ATP6V1D: variants seen among roughly 807,000 people sequenced by gnomAD.
ATP6V1D encodes ATPase H+ transporting V1 subunit D, also known as V-type proton ATPase subunit D.
A neutral mutation model predicts 39.4 loss-of-function variants in ATP6V1D; 20 were observed. The observed-to-expected ratio is 0.51, with a 90% CI of 0.36 to 0.74. The LOEUF is 0.74. Ranked by LOEUF, ATP6V1D falls within the 30% of genes least tolerant of loss-of-function variation. The pLI, the probability that ATP6V1D is intolerant of heterozygous loss-of-function variation, is 0.00. For synonymous variants in ATP6V1D, 100 were observed against 100.5 expected, an observed-to-expected ratio of 0.99 and a Z score of 0.03; for missense variants, 228 against 291.6, an observed-to-expected ratio of 0.78 and a Z score of 1.59.
At chr14:67,354,346 CTT>C (rs2085672531) in intron 1 of ATP6V1D, among the ~76,000 whole-genome samples, 1 of 152,114 alleles carries the variant, frequency 6.6e-6, no homozygotes, top group South Asian at 2.1e-4. Context: ...AAAATAATAT[CTT>C]TGTTTTAGTT....
intron 5 of ATP6V1D, among the ~76,000 whole-genome samples, chr14:67,346,373 G>A (rs1241072467): frequency 1.3e-5 from 2 of 152,238 alleles, no homozygotes; most frequent in African/African-American, 4.8e-5. Context: ...GTGCAGTGGT[G>A]CGATCTCAGC....
chr14:67,338,749 G>A lies in ATP6V1D; in HGVS notation c.616C>T (p.Gln206Ter). 1 of 1,611,902 alleles carries A rather than the reference G, an allele frequency of 6.2e-7. No individual in the cohort carries two copies. The change falls in exon 9 of 9, where the codon CAA becomes TAA. Residue 206 changes from glutamine (Q) to a stop codon, truncating the protein, a stop_gained. Coordinates refer to ENST00000216442, the MANE Select transcript of ATP6V1D (RefSeq NM_015994.4). LOFTEE classifies it high-confidence loss of function. Reference protein sequence around the residue: ...REEFYRLKKIQEKKKILKEKS... With the variant: ...REEFYRLKKI Reference sequence around the variant, plus strand: ...TCCTTTAGAATCTTTTTCTTCTCTTGTATTTTCTTTAACCTGTAAAATACA... The same window carrying A: ...TCCTTTAGAATCTTTTTCTTCTCTTATATTTTCTTTAACCTGTAAAATACA...
chr14:67,352,859 AAATGCCAAGGGCC>A, intron 2 of ATP6V1D, 51 bp downstream of exon 2: 1 of 1,109,596 alleles, frequency 9.0e-7, no homozygotes, highest in Admixed American at 2.4e-5. Context: ...ACAAAAAAAA[AAATGCCAAGGGCC>A]ATGCTGGATT....
intron 8 of ATP6V1D, among the ~76,000 whole-genome samples, chr14:67,339,173 T>C (rs1470539678): frequency 6.6e-6 from 1 of 152,084 alleles, no homozygotes; most frequent in African/African-American, 2.4e-5. Context: ...TTTTTTGTAT[T>C]TTTAGTAGAG....
Position 67,347,444 on chromosome 14 carries a change from AAAG to A in ATP6V1D, c.314_316del (p.Thr105_Leu106delinsMet). On this transcript the variant is annotated inframe_deletion, in exon 5 of 9. Coordinates refer to ENST00000216442, the MANE Select transcript of ATP6V1D (RefSeq NM_015994.4). ...TTCATGGTAATGTTCAAATACTGGC[AAAG>A]TAACACCTGTTAAACACAGAAGCAT... The A allele has an allele frequency of 6.2e-7, 1 of 1,608,590 alleles. No homozygotes were observed. Among genetic ancestry groups the A allele is most frequent in the Non-Finnish European group, 8.5e-7 (1 of 1,175,388 alleles).
intron 2 of ATP6V1D, among the ~76,000 whole-genome samples, chr14:67,351,874 T>C (rs928492784): frequency 6.9e-6 from 1 of 144,440 alleles, no homozygotes; most frequent in African/African-American, 2.7e-5. Flanking sequence ...ATTTTTAACA[T>C]TTTACACATT....
intron 7 of ATP6V1D, among the ~76,000 whole-genome samples, chr14:67,340,972 A>G (rs1277676363): frequency 2.0e-5 from 3 of 152,220 alleles, no homozygotes; most frequent in Non-Finnish European, 4.4e-5. Context: ...TCGTTCACTC[A>G]GTGCTCAATG....
At chr14:67,341,232 C>T (rs1282663741) in intron 7 of ATP6V1D, among the ~76,000 whole-genome samples, 2 of 152,068 alleles carry the variant, frequency 1.3e-5, no homozygotes, top group South Asian at 2.1e-4. Context: ...AAGTGAGGAG[C>T]GTCTCTGCCC....
At chr14:67,339,210 G>A (rs1023711765) in intron 8 of ATP6V1D, among the ~76,000 whole-genome samples, 1 of 151,868 alleles carries the variant, frequency 6.6e-6, no homozygotes, top group African/African-American at 2.4e-5. Context: ...TCTTGGCCAG[G>A]CTGGTCTTGA....
chr14:67,357,046 T>A (rs191692691), intron 1 of ATP6V1D, among the ~76,000 whole-genome samples: 5 of 152,222 alleles, frequency 3.3e-5, no homozygotes, highest in Non-Finnish European at 4.4e-5. Flanking sequence ...GCAATTTTAA[T>A]TCCTGAAACT....
chr14:67,342,108 C>T (rs1038009174), intron 7 of ATP6V1D, among the ~76,000 whole-genome samples: 1 of 151,798 alleles, frequency 6.6e-6, no homozygotes, highest in Non-Finnish European at 1.5e-5. Context: ...TGTTTATCTG[C>T]TGACCTTCCC....
chr14:67,338,612 C>T lies in ATP6V1D; in HGVS notation c.*9G>A. On this transcript the variant is annotated 3_prime_UTR_variant, in exon 9 of 9. Transcript: ENST00000216442. ...GTTAGGGTTTCTCAAAGAACCAGAACAGGAAAGATTATTCAAATAGAAGAT... is the reference window on the plus strand; with the variant it reads ...GTTAGGGTTTCTCAAAGAACCAGAATAGGAAAGATTATTCAAATAGAAGAT... 3 of 1,612,338 alleles carry T rather than the reference C, an allele frequency of 1.9e-6. No individual in the cohort carries two copies. The highest frequency in any genetic ancestry group is 2.2e-5 in the South Asian group (2 of 90,710).
chr14:67,339,771 G>A (rs1408787666), intron 8 of ATP6V1D, among the ~76,000 whole-genome samples: 1 of 151,998 alleles, frequency 6.6e-6, no homozygotes, highest in African/African-American at 2.4e-5. Context: ...TTTTATGTAG[G>A]AGGCACCCAA....
chr14:67,345,491 G>A (rs2085613674), intron 6 of ATP6V1D, among the ~76,000 whole-genome samples: 1 of 152,006 alleles, frequency 6.6e-6, no homozygotes, highest in South Asian at 2.1e-4. Flanking sequence ...GGAGGCAGAG[G>A]TTGCAGTGAG....
intron 8 of ATP6V1D, among the ~76,000 whole-genome samples, 156 bp from the exon 9 acceptor site, chr14:67,338,918 T>G (rs2085559080): frequency 1.3e-5 from 2 of 152,084 alleles, no homozygotes; most frequent in South Asian, 4.1e-4. Context: ...TTTATAATCC[T>G]TTTTAAAAAA....
At chr14:67,348,219 C>T (rs2085633555) in intron 4 of ATP6V1D, among the ~76,000 whole-genome samples, 1 of 152,026 alleles carries the variant, frequency 6.6e-6, no homozygotes, top group Non-Finnish European at 1.5e-5. Context: ...GGATTACAGG[C>T]ATGCGCTACC....
At chr14:67,350,088 A>G (rs1224611359) in intron 3 of ATP6V1D, among the ~76,000 whole-genome samples, 3 of 152,254 alleles carry the variant, frequency 2.0e-5, no homozygotes, top group Non-Finnish European at 4.4e-5. Flanking sequence ...GTAAATTGGC[A>G]TAACACATTT....
At chr14:67,344,187 T>A (rs560867624) in intron 6 of ATP6V1D, among the ~76,000 whole-genome samples, 1 of 152,232 alleles carries the variant, frequency 6.6e-6, no homozygotes, top group African/African-American at 2.4e-5. Context: ...GATTGTGACC[T>A]CTGTATTGTA....
At chr14:67,341,862 A>G (rs2085587073) in intron 7 of ATP6V1D, among the ~76,000 whole-genome samples, 1 of 152,154 alleles carries the variant, frequency 6.6e-6, no homozygotes, top group African/African-American at 2.4e-5. Context: ...CTGCTTTGGG[A>G]TCCTGTTGAT....
Sources: allele counts gnomAD v4.1 joint callset (sites outside exome capture counted in the v4.1 genomes callset), GRCh38; gene constraint gnomAD v4.1.1; transcripts MANE v1.5; gene names NCBI Gene and HGNC (gene_info 2026-07-23, HGNC 2026-07-21).